SEL1L: variants seen among roughly 807,000 people sequenced by gnomAD.
SEL1L encodes the protein protein sel-1 homolog 1.
In SEL1L, 52 loss-of-function variants were observed where a neutral mutation model predicts 109.8. That is an observed-to-expected ratio of 0.47 (90% CI 0.38 to 0.60). The LOEUF (loss-of-function observed/expected upper bound fraction) is 0.60, where lower values mean the gene tolerates loss of function less well. Among genes scored for constraint, SEL1L ranks in the 20% least tolerant of loss-of-function variants. The pLI, the probability that SEL1L is intolerant of heterozygous loss-of-function variation, is 0.00. For synonymous variants in SEL1L, 373 were observed against 339.6 expected (o/e 1.10, Z -1.08); for missense variants, 749 against 962.2 (o/e 0.78, Z 2.93).
At chr14:81,521,877 C>T (rs1031063689) in intron 3 of SEL1L, among the ~76,000 whole-genome samples, 2 of 152,100 alleles carry the variant, frequency 1.3e-5, no homozygotes, top group African/African-American at 4.8e-5. Flanking sequence ...ATGACAGTTC[C>T]ATGCCTGTTA....
At chr14:81,497,120 T>C (rs1595513961) in intron 10 of SEL1L, among the ~76,000 whole-genome samples, 1 of 152,174 alleles carries the variant, frequency 6.6e-6, no homozygotes, top group East Asian at 1.9e-4. Context: ...TTTACAATAA[T>C]GTAAAAATAA....
In SEL1L at chr14:81,507,602, A is replaced by C. The variant is rs187739935; in HGVS notation, c.341-1361T>G. On this transcript the variant is annotated intron_variant, in intron 3 of 20. Coordinates refer to ENST00000336735, the MANE Select transcript of SEL1L (RefSeq NM_005065.6). ...AAAAAACAAAGAAAAAACCCACACAAAAAAAACAGCAAAAACAAAAAATAA... is the reference window on the plus strand; with the variant it reads ...AAAAAACAAAGAAAAAACCCACACACAAAAAACAGCAAAAACAAAAAATAA... Among the ~76,000 whole-genome samples the C allele has an allele frequency of 5.1e-3, 671 of 131,440 alleles. 5 individuals carry two copies. Among genetic ancestry groups the C allele is most frequent in the African/African-American group, 0.028 (626 of 22,606 alleles). The allele number at this position is 131,440 out of a possible 152,430, so 86.2% of individuals were successfully genotyped here.
chr14:81,531,725 T>C (rs191678107), intron 1 of SEL1L, among the ~76,000 whole-genome samples: 1 of 152,186 alleles, frequency 6.6e-6, no homozygotes, highest in East Asian at 1.9e-4. Context: ...TGGAGTTACG[T>C]AGAGATGGGG....
intron 3 of SEL1L, among the ~76,000 whole-genome samples, chr14:81,522,847 T>C (rs896196261): frequency 2.0e-5 from 3 of 152,210 alleles, no homozygotes; most frequent in Admixed American, 6.5e-5. Context: ...GGAAATGCTA[T>C]GTAAATAGTT....
intron 3 of SEL1L, among the ~76,000 whole-genome samples, chr14:81,506,661 C>CA (rs1309705912): frequency 2.0e-5 from 3 of 152,140 alleles, no homozygotes; most frequent in African/African-American, 7.2e-5. Context: ...ATGCTCCCCC[C>CA]AAGGCAAAGC....
chr14:81,529,412 TTTAGA>T (rs1484474353), intron 1 of SEL1L, among the ~76,000 whole-genome samples: 6 of 152,182 alleles, frequency 3.9e-5, no homozygotes, highest in East Asian at 1.9e-4. Flanking sequence ...TGAATGAAAC[TTTAGA>T]TTAGCTGGAA....
chr14:81,484,147 G>C (rs1298120402), intron 19 of SEL1L, 78 bp downstream of exon 19: 2 of 1,437,074 alleles, frequency 1.4e-6, no homozygotes, highest in African/African-American at 2.8e-5. Flanking sequence ...GTCAAGGAAA[G>C]TCTATTTTCT....
At chr14:81,495,276 T>C (rs1439352068) in intron 10 of SEL1L, 139 bp from the exon 11 acceptor site, 68 of 715,026 alleles carry the variant, frequency 9.5e-5, no homozygotes, top group Non-Finnish European at 1.6e-5. Flanking sequence ...TCTTAACTCC[T>C]GAAAATGCTA....
rs373650913 is a variant in SEL1L at position 81,486,648 on chromosome 14, T to TA, written c.1633-195dup. On this transcript the variant is annotated intron_variant, in intron 16 of 20. Coordinates refer to ENST00000336735, the MANE Select transcript of SEL1L (RefSeq NM_005065.6). ...TACTCTTTAGAAGTCAACAGGTTTA[T>TA]AAAAAAAAAAAACAGTACACAATTA... is the stretch of plus-strand genomic sequence containing the variant. Among the ~76,000 whole-genome samples, 1,247 of 143,000 alleles carry TA rather than the reference T, an allele frequency of 8.7e-3. 14 individuals are homozygous for TA. Among genetic ancestry groups the TA allele is most frequent in the African/African-American group, 0.024 (945 of 40,010 alleles). 93.8% of individuals were successfully genotyped at this position (143,000 alleles called of 152,430 possible).
At position 81,475,183 on chromosome 14, in the gene SEL1L, A is replaced by T. The variant is rs1490211996; in HGVS notation, c.*1789T>A. On this transcript the variant is annotated 3_prime_UTR_variant, in exon 21 of 21. Coordinates refer to ENST00000336735, the MANE Select transcript of SEL1L (RefSeq NM_005065.6). ...GCACTCAAATCTCTACATGTAAGAG[A>T]CCAAACAAGTCTCACTATTTACAAG... is the stretch of plus-strand genomic sequence containing the variant. 2 of 152,222 alleles carry T rather than the reference A, an allele frequency of 1.3e-5. No individual in the cohort carries two copies. Among genetic ancestry groups the T allele is most frequent in the Non-Finnish European group, 2.9e-5 (2 of 68,040 alleles). 9.4% of individuals were successfully genotyped at this position (152,222 alleles called of 1,614,324 possible).
intron 3 of SEL1L, among the ~76,000 whole-genome samples, chr14:81,510,056 C>T (rs1007296342): frequency 1.3e-5 from 2 of 152,172 alleles, no homozygotes; most frequent in African/African-American, 4.8e-5. Context: ...AAGGCTGAGT[C>T]CTGAGGCAAG....
intron 3 of SEL1L, among the ~76,000 whole-genome samples, chr14:81,518,880 G>C (rs2140048514): frequency 6.6e-6 from 1 of 152,204 alleles, no homozygotes; most frequent in African/African-American, 2.4e-5. Flanking sequence ...CTTGGCCAAT[G>C]ACCTAGGGAG....
chr14:81,513,921 C>T (rs375628695), intron 3 of SEL1L, among the ~76,000 whole-genome samples: 5 of 152,306 alleles, frequency 3.3e-5, no homozygotes, highest in East Asian at 1.9e-4. Flanking sequence ...CTCGAAGTCA[C>T]GTCGCCCAAG....
chr14:81,516,008 G>C (rs1052961190), intron 3 of SEL1L, among the ~76,000 whole-genome samples: 1 of 152,200 alleles, frequency 6.6e-6, no homozygotes, highest in Non-Finnish European at 1.5e-5. Context: ...CTTGTTATCA[G>C]TGTGGTTTGC....
At position 81,474,410 on chromosome 14, in the gene SEL1L, T is replaced by A. The variant is rs1040273657; in HGVS notation, c.*2562A>T. On this transcript the variant is annotated 3_prime_UTR_variant, in exon 21 of 21. Coordinates refer to ENST00000336735, the MANE Select transcript of SEL1L (RefSeq NM_005065.6). The stretch of plus-strand genomic sequence containing the variant: ...AGGCAGGAAGACAGACTAGAAAAGG[T>A]CTTAGGAGAGATGGGCTACCATGGA... The A allele has an allele frequency of 1.3e-5, 2 of 152,024 alleles. No homozygotes were observed. The highest frequency in any genetic ancestry group is 4.8e-5 in the African/African-American group (2 of 41,386). The allele number at this position is 152,024 out of a possible 1,614,324, so 9.4% of individuals were successfully genotyped here.
chr14:81,515,904 GA>G (rs1884681680), intron 3 of SEL1L, among the ~76,000 whole-genome samples: 1 of 152,164 alleles, frequency 6.6e-6, no homozygotes, highest in Admixed American at 6.5e-5. Context: ...TGAGATCAGA[GA>G]AAGGCTGCAG....
chr14:81,500,054 C>T (rs1472812025), intron 6 of SEL1L, among the ~76,000 whole-genome samples: 1 of 151,604 alleles, frequency 6.6e-6, no homozygotes. Flanking sequence ...TATGTAGAGG[C>T]GTATGCCACC....
intron 4 of SEL1L, among the ~76,000 whole-genome samples, chr14:81,505,232 C>T (rs2140023428): frequency 6.6e-6 from 1 of 152,186 alleles, no homozygotes; most frequent in African/African-American, 2.4e-5. Context: ...AATATAGAAA[C>T]TGATTTAATG....
chr14:81,498,680 A>C (rs554627956), intron 8 of SEL1L, 186 bp from the exon 9 acceptor site: 28 of 528,874 alleles, frequency 5.3e-5, no homozygotes, highest in African/African-American at 4.6e-4. Flanking sequence ...AGAAGGCCAT[A>C]GCTAAGAGCA....
Sources: gnomAD v4.1 joint callset for allele counts (sites outside exome capture counted in the v4.1 genomes callset) on GRCh38, gnomAD v4.1.1 for gene constraint, MANE v1.5 for transcripts, NCBI Gene and HGNC (gene_info 2026-07-23, HGNC 2026-07-21) for gene names.